The following WDFY2 variants were observed in gnomAD, a reference collection of about 807,000 sequenced individuals.
The protein encoded by WDFY2 is WD repeat and FYVE domain containing 2.
Under a neutral mutation model 56.4 loss-of-function variants are expected in WDFY2, and 36 were observed. The observed-to-expected ratio is 0.64, with a 90% CI of 0.49 to 0.84. WDFY2 has a LOEUF of 0.84. Ranked by LOEUF, WDFY2 falls within the 40% of genes least tolerant of loss-of-function variation. The probability of loss-of-function intolerance (pLI) is 0.00; values close to 1 mark genes in which losing one functional copy is unlikely to be tolerated. For synonymous variants in WDFY2, 176 were observed against 183.7 expected, an observed-to-expected ratio of 0.96 and a Z score of 0.34; for missense variants, 444 against 512.2, an observed-to-expected ratio of 0.87 and a Z score of 1.29.
chr13:51,659,776 C>T (rs1468500866), intron 1 of WDFY2, among the ~76,000 whole-genome samples: 3 of 152,228 alleles, frequency 2.0e-5, no homozygotes, highest in African/African-American at 7.2e-5. Flanking sequence ...AAATCTGCCT[C>T]AGAGCTTATA....
In WDFY2 at chr13:51,619,432, C is replaced by A. The variant is rs76987184; in HGVS notation, c.137+34608C>A. Among the ~76,000 whole-genome samples, 11 of 115,548 alleles carry A rather than the reference C, an allele frequency of 9.5e-5. 1 individual carries two copies. Among genetic ancestry groups the A allele is most frequent in the African/African-American group, 3.6e-4 (11 of 30,444 alleles). The allele number at this position is 115,548 out of a possible 152,430, so 75.8% of individuals were successfully genotyped here. A position where few individuals can be genotyped will look rare whatever the true frequency, so the allele number is the denominator to read the frequency against. On this transcript the variant is annotated intron_variant, in intron 1 of 11. Transcript: ENST00000298125. Reference sequence around the variant, plus strand: ...TGGGCAACAGAGCCAGACACTATCTCCAAAAAAAAAAAAACAAAAAACAAA... The same window carrying A: ...TGGGCAACAGAGCCAGACACTATCTACAAAAAAAAAAAAACAAAAAACAAA...
chr13:51,745,973 C>T (rs866324356), intron 7 of WDFY2, among the ~76,000 whole-genome samples: 50 of 100,748 alleles, frequency 5.0e-4, no homozygotes, highest in African/African-American at 1.6e-3. Flanking sequence ...TTTTCTTTTT[C>T]TTTTTTTTTT....
At chr13:51,651,323 T>C (rs1224846434) in intron 1 of WDFY2, among the ~76,000 whole-genome samples, 1 of 152,204 alleles carries the variant, frequency 6.6e-6, no homozygotes, top group Non-Finnish European at 1.5e-5. Context: ...TTATTAGTCT[T>C]GCTAGTGGTC....
rs559280761 is a variant in WDFY2, at chr13:51,684,373, T to G, written c.279+9130T>G. Among the ~76,000 whole-genome samples, 80 of 152,072 alleles carry G rather than the reference T, an allele frequency of 5.3e-4. 2 individuals carry two copies. The South Asian group carries it at 0.016, about 30-fold the overall frequency. ...ATCATGGTTGAGTATTTGGTGTTTT[T>G]TTTTTTTTTTTAAGTTTAGTAAACC... On this transcript the variant is annotated intron_variant, in intron 3 of 11. Coordinates refer to ENST00000298125, the MANE Select transcript of WDFY2 (RefSeq NM_052950.4).
chr13:51,639,580 G>A (rs943775533), intron 1 of WDFY2, among the ~76,000 whole-genome samples: 1 of 151,782 alleles, frequency 6.6e-6, no homozygotes, highest in South Asian at 2.1e-4. Context: ...TTTAAAGTTT[G>A]TGAGAAATGG....
At chr13:51,697,626 C>A in intron 3 of WDFY2, among the ~76,000 whole-genome samples, 1 of 147,798 alleles carries the variant, frequency 6.8e-6, no homozygotes. Flanking sequence ...AAGCAAGATC[C>A]TGCCTCAAAA....
At chr13:51,627,379 CT>C (rs1191363660) in intron 1 of WDFY2, among the ~76,000 whole-genome samples, 4 of 151,712 alleles carry the variant, frequency 2.6e-5, no homozygotes, top group Non-Finnish European at 5.9e-5. Flanking sequence ...CTTTTGTTTT[CT>C]TTTTTTTAAT....
intron 7 of WDFY2, among the ~76,000 whole-genome samples, chr13:51,743,404 A>C (rs1353616878): frequency 6.6e-6 from 1 of 152,204 alleles, no homozygotes; most frequent in Non-Finnish European, 1.5e-5. Flanking sequence ...TAAAATAAGG[A>C]CAAAATTGGA....
chr13:51,647,874 T>TAC (rs766484438), intron 1 of WDFY2, among the ~76,000 whole-genome samples: 2 of 151,966 alleles, frequency 1.3e-5, no homozygotes, highest in Middle Eastern at 3.4e-3. Context: ...TATGCATGTA[T>TAC]ACACACACAC....
At chr13:51,618,307 C>T (rs1205161378) in intron 1 of WDFY2, among the ~76,000 whole-genome samples, 1 of 152,130 alleles carries the variant, frequency 6.6e-6, no homozygotes, top group East Asian at 1.9e-4. Context: ...CACAGATGGC[C>T]TCATTTCTCC....
chr13:51,697,843 G>C (rs1951907972), intron 3 of WDFY2, among the ~76,000 whole-genome samples: 1 of 152,166 alleles, frequency 6.6e-6, no homozygotes, highest in Admixed American at 6.5e-5. Flanking sequence ...ATGTGTTTCT[G>C]TGTATACACG....
chr13:51,674,040 G>T (rs369108145), intron 2 of WDFY2, among the ~76,000 whole-genome samples: 1 of 152,162 alleles, frequency 6.6e-6, no homozygotes, highest in African/African-American at 2.4e-5. Context: ...AGTAGAACTT[G>T]AAATTCTTTT....
chr13:51,719,617 T>A (rs1170239779), intron 5 of WDFY2, among the ~76,000 whole-genome samples: 2 of 152,212 alleles, frequency 1.3e-5, no homozygotes, highest in East Asian at 3.8e-4. Context: ...CAGAACACAG[T>A]GCAGATTCAT....
At chr13:51,723,279 C>T (rs533613368) in intron 5 of WDFY2, among the ~76,000 whole-genome samples, 1 of 152,296 alleles carries the variant, frequency 6.6e-6, no homozygotes, top group South Asian at 2.1e-4. Context: ...GCTATTGTTA[C>T]ATCTAAAAAT....
At chr13:51,589,476 AT>A (rs1488658009) in intron 1 of WDFY2, 1 of 152,156 alleles carries the variant, frequency 6.6e-6, no homozygotes, top group East Asian at 1.9e-4. Context: ...TCCTCATAGT[AT>A]TGGTTCATTT....
intron 7 of WDFY2, among the ~76,000 whole-genome samples, chr13:51,751,041 C>T (rs1953222260): frequency 6.6e-6 from 1 of 152,182 alleles, no homozygotes. Context: ...GCCCATTCAA[C>T]AATCAGCTTT....
chr13:51,689,477 G>C (rs1956113994), intron 3 of WDFY2, among the ~76,000 whole-genome samples: 1 of 152,278 alleles, frequency 6.6e-6, no homozygotes, highest in Middle Eastern at 3.4e-3. Context: ...AGCTGCTGTG[G>C]TTGCACAAAC....
chr13:51,717,187 AT>A (rs1206952698), intron 4 of WDFY2, among the ~76,000 whole-genome samples: 3 of 152,204 alleles, frequency 2.0e-5, no homozygotes, highest in African/African-American at 7.2e-5. Flanking sequence ...GTTTTTTCTT[AT>A]GAATTTCTGA....
chr13:51,607,203 T>G (rs1954399294), intron 1 of WDFY2, among the ~76,000 whole-genome samples: 1 of 152,186 alleles, frequency 6.6e-6, no homozygotes, highest in South Asian at 2.1e-4. Flanking sequence ...GTTAGTGACT[T>G]AAAACAACAA....
Sources: gnomAD v4.1 joint callset for allele counts (sites outside exome capture counted in the v4.1 genomes callset) on GRCh38, gnomAD v4.1.1 for gene constraint, MANE v1.5 for transcripts, NCBI Gene and HGNC (gene_info 2026-07-23, HGNC 2026-07-21) for gene names.